GRM8: variants seen among roughly 807,000 people sequenced by gnomAD.
The protein encoded by GRM8 is metabotropic glutamate receptor 8.
Under a neutral mutation model 87.2 loss-of-function variants are expected in GRM8, and 47 were observed. The observed-to-expected ratio is 0.54, with a 90% CI of 0.43 to 0.69. GRM8 has a LOEUF of 0.69. Among genes scored for constraint, GRM8 ranks in the 30% least tolerant of loss-of-function variants. The pLI is 0.00. For synonymous variants in GRM8, 396 were observed against 404.5 expected (o/e 0.98, Z 0.25); for missense variants, 1,019 against 1,139.2 (o/e 0.89, Z 1.52).
At chr7:127,010,659 C>T (rs902862945) in intron 3 of GRM8, among the ~76,000 whole-genome samples, 1 of 152,110 alleles carries the variant, frequency 6.6e-6, no homozygotes, top group Non-Finnish European at 1.5e-5. Context: ...GATAGTTTCT[C>T]ACTCAGTACA....
intron 9 of GRM8, among the ~76,000 whole-genome samples, chr7:126,472,400 T>C (rs989174036): frequency 3.3e-5 from 5 of 152,048 alleles, no homozygotes; most frequent in Admixed American, 6.6e-5. Context: ...GCATGAAGGG[T>C]TGTTGAATTT....
intron 8 of GRM8, among the ~76,000 whole-genome samples, chr7:126,557,590 T>C (rs1054539350): frequency 1.3e-5 from 2 of 152,186 alleles, no homozygotes; most frequent in Non-Finnish European, 2.9e-5. Context: ...AAATTCACTG[T>C]GAGTAAAGAA....
At chr7:126,600,754 T>G (rs556150079) in intron 8 of GRM8, among the ~76,000 whole-genome samples, 1 of 152,196 alleles carries the variant, frequency 6.6e-6, no homozygotes, top group Non-Finnish European at 1.5e-5. Flanking sequence ...CATATTGTTA[T>G]CTTTTATCTT....
At chr7:127,157,563 T>G (rs1792815779) in intron 2 of GRM8, among the ~76,000 whole-genome samples, 1 of 152,226 alleles carries the variant, frequency 6.6e-6, no homozygotes, top group African/African-American at 2.4e-5. Flanking sequence ...TCTCCCTTAT[T>G]AATGAGAACA....
At position 126,917,237 on chromosome 7, in the gene GRM8, A is replaced by C. The variant is rs1333406610; in HGVS notation, c.728-12554T>G. 7.9e-5 allele frequency among the ~76,000 whole-genome samples: 12 copies of C among 152,218 alleles called. No individual in the cohort carries two copies. The East Asian group carries it at 2.3e-3, about 29-fold the overall frequency. ...GCAATACTACTGCCTCTGCCTCCCA[A>C]AGTGCTGGGATTACAGGTGGAAGCC... On this transcript the variant is annotated intron_variant, in intron 3 of 10. Transcript: ENST00000339582.
chr7:127,157,245 G>A (rs1295081475), intron 2 of GRM8, among the ~76,000 whole-genome samples: 2 of 137,326 alleles, frequency 1.5e-5, no homozygotes, highest in South Asian at 4.6e-4. Context: ...AGAGGATGGG[G>A]AGAAGAAAGG....
intron 2 of GRM8, among the ~76,000 whole-genome samples, chr7:127,212,540 C>G (rs960459699): frequency 2.0e-5 from 3 of 150,716 alleles, no homozygotes; most frequent in Non-Finnish European, 4.4e-5. Flanking sequence ...GCCTCAGCCT[C>G]CCAAGTAGCT....
chr7:127,074,749 C>T (rs1822086291), intron 3 of GRM8, among the ~76,000 whole-genome samples: 1 of 152,186 alleles, frequency 6.6e-6, no homozygotes. Flanking sequence ...TCACCACTCC[C>T]CCTTTTAAAA....
intron 3 of GRM8, among the ~76,000 whole-genome samples, chr7:127,081,894 T>C (rs956881306): frequency 7.2e-5 from 11 of 152,130 alleles, no homozygotes; most frequent in African/African-American, 2.7e-4. Flanking sequence ...TTTCTGAAGG[T>C]ATCAGCAGTG....
intron 8 of GRM8, among the ~76,000 whole-genome samples, chr7:126,607,972 G>T (rs1460834878): frequency 2.6e-5 from 4 of 151,620 alleles, no homozygotes; most frequent in African/African-American, 9.7e-5. Context: ...CTGTGGAAGA[G>T]ATGCTGGATG....
intron 3 of GRM8, among the ~76,000 whole-genome samples, chr7:127,105,563 CT>C (rs1163280738): frequency 6.6e-6 from 1 of 152,160 alleles, no homozygotes; most frequent in East Asian, 1.9e-4. Context: ...CATGATCTTT[CT>C]CTGAGTCGAG....
At chr7:126,776,211 A>G (rs779331546) in intron 6 of GRM8, among the ~76,000 whole-genome samples, 4 of 152,178 alleles carry the variant, frequency 2.6e-5, no homozygotes, top group Non-Finnish European at 4.4e-5. Flanking sequence ...GAAGGTAGAG[A>G]TAAGTTGGGA....
chr7:126,776,611 AT>A (rs1819504530), intron 6 of GRM8, among the ~76,000 whole-genome samples: 1 of 152,214 alleles, frequency 6.6e-6, no homozygotes, highest in Non-Finnish European at 1.5e-5. Context: ...GTGGTTGATC[AT>A]TTATTTGCAA....
intron 8 of GRM8, among the ~76,000 whole-genome samples, chr7:126,545,292 C>A (rs1206697845): frequency 1.3e-5 from 2 of 152,124 alleles, no homozygotes; most frequent in African/African-American, 4.8e-5. Context: ...AGTGCATATG[C>A]AAATATGCAG....
At chr7:126,599,413 C>T (rs1420336818) in intron 8 of GRM8, among the ~76,000 whole-genome samples, 1 of 152,072 alleles carries the variant, frequency 6.6e-6, no homozygotes, top group Non-Finnish European at 1.5e-5. Context: ...GTCAGCTCAC[C>T]TTTTTGGCCT....
chr7:126,985,945 C>T (rs890598419), intron 3 of GRM8, among the ~76,000 whole-genome samples: 11 of 152,132 alleles, frequency 7.2e-5, no homozygotes, highest in Non-Finnish European at 1.6e-4. Context: ...TTAAAATATT[C>T]TAATCACCTT....
chr7:126,609,954 A>C (rs1311128017), intron 7 of GRM8, among the ~76,000 whole-genome samples: 1 of 152,176 alleles, frequency 6.6e-6, no homozygotes, highest in African/African-American at 2.4e-5. Context: ...AAACTCTCTA[A>C]AGCAGTTAGA....
chr7:126,583,316 T>C (rs1562976152), intron 8 of GRM8, among the ~76,000 whole-genome samples: 1 of 151,698 alleles, frequency 6.6e-6, no homozygotes, highest in Non-Finnish European at 1.5e-5. Context: ...GATTGTACCA[T>C]TGCACTCCCA....
At chr7:127,091,165 T>A (rs1824026502) in intron 3 of GRM8, among the ~76,000 whole-genome samples, 1 of 152,090 alleles carries the variant, frequency 6.6e-6, no homozygotes, top group Non-Finnish European at 1.5e-5. Flanking sequence ...TACAGGTCCC[T>A]GAATTCTACT....
Sources: gnomAD v4.1 joint callset for allele counts (sites outside exome capture counted in the v4.1 genomes callset) on GRCh38, gnomAD v4.1.1 for gene constraint, MANE v1.5 for transcripts, NCBI Gene and HGNC (gene_info 2026-07-23, HGNC 2026-07-21) for gene names.